The following CACNG4 variants were observed in gnomAD, a reference collection of about 807,000 sequenced individuals.
The protein encoded by CACNG4 is calcium voltage-gated channel auxiliary subunit gamma 4.
A neutral mutation model predicts 22.9 loss-of-function variants in CACNG4; 8 were observed. The observed-to-expected ratio is 0.35, with a 90% confidence interval of 0.21 to 0.63. The LOEUF (loss-of-function observed/expected upper bound fraction) is 0.63. CACNG4 is among the 30% of genes least tolerant of loss of function. CACNG4 has a pLI of 0.72. For missense variants in CACNG4, 357 were observed against 455.4 expected, an observed-to-expected ratio of 0.78 and a Z score of 1.97; for synonymous variants, 188 against 191.9, an observed-to-expected ratio of 0.98 and a Z score of 0.17.
In CACNG4 at chr17:66,996,953, C is replaced by T. The variant is rs74551773; in HGVS notation, c.221-21236C>T. 4.1e-4 allele frequency among the ~76,000 whole-genome samples: 63 copies of T among 152,260 alleles called. 1 individual carries two copies. The East Asian group carries it at 0.011, about 26-fold the overall frequency. ...GGGGACGAGGGCAGGACAAAGGGAA[C>T]AGCCCAAGCTAGAAGATGGTTCGAA... On this transcript the variant is annotated intron_variant, in intron 1 of 3. Coordinates refer to ENST00000262138, the MANE Select transcript of CACNG4 (RefSeq NM_014405.4).
intron 1 of CACNG4, among the ~76,000 whole-genome samples, chr17:66,966,105 GA>G (rs1177669838): frequency 6.6e-6 from 1 of 152,212 alleles, no homozygotes; most frequent in Non-Finnish European, 1.5e-5. Context: ...TCAGCCCCGG[GA>G]CCGTGGGGAC....
intron 1 of CACNG4, among the ~76,000 whole-genome samples, chr17:66,982,010 C>T (rs565604184): frequency 6.6e-6 from 1 of 152,134 alleles, no homozygotes; most frequent in Admixed American, 6.6e-5. Flanking sequence ...CATAGTGTGT[C>T]CAGAGTTGAT....
chr17:66,980,123 C>T (rs903152900), intron 1 of CACNG4, among the ~76,000 whole-genome samples: 24 of 152,228 alleles, frequency 1.6e-4, no homozygotes, highest in African/African-American at 5.5e-4. Context: ...TTCTTGCCAG[C>T]ATTTTATTAC....
intron 1 of CACNG4, among the ~76,000 whole-genome samples, chr17:66,986,962 G>T (rs1441841432): frequency 1.3e-5 from 2 of 152,224 alleles, no homozygotes; most frequent in African/African-American, 4.8e-5. Flanking sequence ...TGGATTTGGT[G>T]TGGGGAGGGG....
At chr17:67,011,651 A>ATGAG (rs66523724) in intron 1 of CACNG4, among the ~76,000 whole-genome samples, 1 of 150,676 alleles carries the variant, frequency 6.6e-6, no homozygotes, top group Non-Finnish European at 1.5e-5. Flanking sequence ...GAATGAATGA[A>ATGAG]TGAGTGAGAT....
rs759200755 is a variant in CACNG4 at position 67,030,722 on chromosome 17, G to C, written c.702G>C (p.Pro234=). The change falls in exon 4 of 4, where the codon CCG becomes CCC. Residue 234 remains proline, a synonymous_variant. Transcript: ENST00000262138. The surrounding 1 kb of genome is among the most constrained non-coding windows in gnomAD (Gnocchi z 6.4). Reference sequence around the variant, plus strand: ...CCTCTTCTCCTTATGCCAGGATGCCGAGCTACAGGTACCGGCGACGGCGCT... The same window carrying C: ...CCTCTTCTCCTTATGCCAGGATGCCCAGCTACAGGTACCGGCGACGGCGCT... ...ASSSSPYARM[P]SYRYRRRRSR... 1.2e-6 allele frequency: 2 copies of C among 1,614,100 alleles called. No homozygotes were observed. Among genetic ancestry groups the C allele is most frequent in the African/African-American group, 2.7e-5 (2 of 74,938 alleles).
At chr17:66,982,397 G>A (rs757535660) in intron 1 of CACNG4, among the ~76,000 whole-genome samples, 1 of 152,046 alleles carries the variant, frequency 6.6e-6, no homozygotes, top group East Asian at 1.9e-4. Context: ...GCTGATTGGT[G>A]TGTTTTTACA....
chr17:67,028,573 G>GA (rs1292964117), intron 3 of CACNG4, among the ~76,000 whole-genome samples: 6 of 151,616 alleles, frequency 4.0e-5, no homozygotes, highest in South Asian at 2.1e-4. Flanking sequence ...AACAAAAACA[G>GA]AAAAAAAACG....
chr17:66,968,203 C>G (rs2035181962), intron 1 of CACNG4, among the ~76,000 whole-genome samples: 1 of 152,186 alleles, frequency 6.6e-6, no homozygotes, highest in African/African-American at 2.4e-5. Context: ...CAAAGCTCTT[C>G]TCACCAGATC....
chr17:66,965,208 GC>G, intron 1 of CACNG4, 77 bp downstream of exon 1: 9 of 796,484 alleles, frequency 1.1e-5, no homozygotes, highest in Non-Finnish European at 1.6e-5. Flanking sequence ...GCGCGCGCGC[GC>G]GCGCACACAC....
intron 1 of CACNG4, among the ~76,000 whole-genome samples, chr17:66,982,263 GTTTTACAGCATGCTGATTGGTCCA>G (rs2035281191): frequency 6.7e-6 from 1 of 149,714 alleles, no homozygotes; most frequent in African/African-American, 2.6e-5. Flanking sequence ...TGATTGGTCC[GTTTTACAGCATGCTGATTGGTCCA>G]TTTTACAGTG....
intron 1 of CACNG4, among the ~76,000 whole-genome samples, chr17:66,968,440 C>T (rs910675615): frequency 2.1e-5 from 3 of 145,148 alleles, no homozygotes; most frequent in African/African-American, 7.7e-5. Flanking sequence ...TCTCTTCTCC[C>T]CTCCTCCCCT....
chr17:67,031,267 G>T lies in CACNG4; in HGVS notation c.*263G>T. 1 of 636,498 alleles carries T rather than the reference G, an allele frequency of 1.6e-6. No homozygotes were observed. Among genetic ancestry groups the T allele is most frequent in the Non-Finnish European group, 2.9e-6 (1 of 344,730 alleles). 39.4% of individuals were successfully genotyped at this position (636,498 alleles called of 1,614,324 possible). ...TGCCTCAGGGTCTCTGAAATCTCCC[G>T]GGAAGCCCCAGAGCTTTCCTGAGGC... On this transcript the variant is annotated 3_prime_UTR_variant, in exon 4 of 4. Transcript: ENST00000262138. The surrounding 1 kb of genome is among the most constrained non-coding windows in gnomAD (Gnocchi z 4.0).
chr17:67,004,824 G>T (rs557668809), intron 1 of CACNG4, among the ~76,000 whole-genome samples: 1 of 152,280 alleles, frequency 6.6e-6, no homozygotes, highest in Non-Finnish European at 1.5e-5. Flanking sequence ...CCCAGGCTCA[G>T]TTGATTCTCC....
intron 1 of CACNG4, among the ~76,000 whole-genome samples, chr17:66,987,653 G>A (rs1169375886): frequency 6.6e-6 from 1 of 152,188 alleles, no homozygotes; most frequent in Non-Finnish European, 1.5e-5. Flanking sequence ...CACAGAGGGA[G>A]GGGCTTTCCA....
At chr17:66,987,712 C>T (rs2035312808) in intron 1 of CACNG4, among the ~76,000 whole-genome samples, 1 of 152,146 alleles carries the variant, frequency 6.6e-6, no homozygotes, top group Admixed American at 6.5e-5. Flanking sequence ...GAAACACTGT[C>T]CAAGGAAGAG....
intron 1 of CACNG4, among the ~76,000 whole-genome samples, chr17:67,016,587 T>C (rs59987011): frequency 0.031 from 4,784 of 152,292 alleles, 247 homozygotes; most frequent in African/African-American, 0.11. Context: ...ACTGTGCTCC[T>C]GACTGACTGA....
intron 1 of CACNG4, among the ~76,000 whole-genome samples, chr17:66,995,040 G>C (rs1213978643): frequency 1.3e-5 from 2 of 152,116 alleles, no homozygotes; most frequent in Non-Finnish European, 2.9e-5. Flanking sequence ...TTCCCCCCGG[G>C]CCAATTTCAA....
chr17:66,995,765 G>T (rs1243013110), intron 1 of CACNG4, among the ~76,000 whole-genome samples: 1 of 152,086 alleles, frequency 6.6e-6, no homozygotes, highest in Non-Finnish European at 1.5e-5. Flanking sequence ...CAGGAGAATT[G>T]CTTGAACCCA....
Sources: gnomAD v4.1 joint callset for allele counts (sites outside exome capture counted in the v4.1 genomes callset) on GRCh38, gnomAD v4.1.1 for gene constraint, Gnocchi (gnomAD v3.1) non-coding constraint, MANE v1.5 for transcripts, NCBI Gene and HGNC (gene_info 2026-07-23, HGNC 2026-07-21) for gene names.